The following GPC5 variants were observed in gnomAD, a reference collection of about 807,000 sequenced individuals.
GPC5 encodes the protein glypican-5.
GPC5 carries 47 observed loss-of-function variants against 53.9 expected under a neutral mutation model. The observed-to-expected ratio is 0.87, with a 90% CI of 0.69 to 1.11. The LOEUF is 1.11. GPC5 is among the 50% of genes most tolerant of loss of function. The probability of loss-of-function intolerance (pLI) is 0.00; values close to 1 mark genes in which losing one functional copy is unlikely to be tolerated. For synonymous variants in GPC5, 286 were observed against 263.3 expected (o/e 1.09, Z -0.84); for missense variants, 748 against 713.1 (o/e 1.05, Z -0.56).
intron 7 of GPC5, among the ~76,000 whole-genome samples, chr13:92,282,492 A>C (rs1376166908): frequency 6.6e-6 from 1 of 152,206 alleles, no homozygotes; most frequent in Non-Finnish European, 1.5e-5. Context: ...AAGGGCAGCA[A>C]GAGAGAAAGG....
At chr13:92,190,511 T>C in intron 7 of GPC5, among the ~76,000 whole-genome samples, 1 of 152,196 alleles carries the variant, frequency 6.6e-6, no homozygotes. Context: ...CATATACTTA[T>C]GCATTATATA....
At chr13:91,640,807 A>C (rs2139485037) in intron 2 of GPC5, among the ~76,000 whole-genome samples, 1 of 152,096 alleles carries the variant, frequency 6.6e-6, no homozygotes, top group African/African-American at 2.4e-5. Context: ...GGAAAAAAAA[A>C]AAAAAGATAC....
intron 7 of GPC5, among the ~76,000 whole-genome samples, chr13:92,706,523 C>G (rs746203835): frequency 1.3e-5 from 2 of 152,032 alleles, no homozygotes; most frequent in Non-Finnish European, 2.9e-5. Flanking sequence ...CCAGCTCCCA[C>G]AGTTAGATTC....
intron 2 of GPC5, among the ~76,000 whole-genome samples, chr13:91,668,848 A>T (rs1027779152): frequency 1.4e-4 from 22 of 152,222 alleles, no homozygotes; most frequent in African/African-American, 5.3e-4. Context: ...ATTGTTCTAT[A>T]TCTTTGTAAA....
chr13:92,197,469 C>T (rs1423454511), intron 7 of GPC5, among the ~76,000 whole-genome samples: 1 of 152,008 alleles, frequency 6.6e-6, no homozygotes, highest in African/African-American at 2.4e-5. Flanking sequence ...TTGCTCAAAT[C>T]ACTTGAAGGG....
chr13:92,071,328 C>G (rs1232324625), intron 6 of GPC5, among the ~76,000 whole-genome samples: 1 of 152,100 alleles, frequency 6.6e-6, no homozygotes, highest in Non-Finnish European at 1.5e-5. Flanking sequence ...GTTAGCTGGA[C>G]AATCATATAG....
intron 7 of GPC5, among the ~76,000 whole-genome samples, chr13:92,257,109 A>G (rs2042731526): frequency 1.3e-5 from 2 of 152,148 alleles, no homozygotes; most frequent in Admixed American, 6.6e-5. Context: ...CTCAAATATA[A>G]AAAAATTTCT....
intron 7 of GPC5, among the ~76,000 whole-genome samples, chr13:92,291,165 G>A (rs918262370): frequency 6.6e-5 from 10 of 152,098 alleles, no homozygotes; most frequent in South Asian, 4.1e-4. Context: ...GAGCCTCCCC[G>A]AGGAGCGCCA....
chr13:91,709,394 T>C (rs1237056473), intron 3 of GPC5, among the ~76,000 whole-genome samples: 1 of 152,228 alleles, frequency 6.6e-6, no homozygotes, highest in Admixed American at 6.5e-5. Context: ...CTGGCACCAC[T>C]CGTAATACTC....
At chr13:91,880,612 T>G (rs1191444396) in intron 5 of GPC5, among the ~76,000 whole-genome samples, 5 of 152,202 alleles carry the variant, frequency 3.3e-5, no homozygotes, top group Non-Finnish European at 5.9e-5. Context: ...AGACATTTTT[T>G]GGGAACGCCA....
chr13:92,028,488 A>G (rs569310475), intron 6 of GPC5, among the ~76,000 whole-genome samples: 8 of 152,230 alleles, frequency 5.3e-5, no homozygotes, highest in Middle Eastern at 3.4e-3. Flanking sequence ...CCGTCTCCCA[A>G]ATTAATTTCT....
chr13:92,119,098 G>T (rs1267765223), intron 6 of GPC5, among the ~76,000 whole-genome samples: 2 of 152,178 alleles, frequency 1.3e-5, no homozygotes, highest in African/African-American at 4.8e-5. Flanking sequence ...CTTGGCTGGG[G>T]AGGCCTCACA....
intron 7 of GPC5, among the ~76,000 whole-genome samples, chr13:92,335,134 G>A (rs1424134841): frequency 6.6e-6 from 1 of 152,142 alleles, no homozygotes; most frequent in Non-Finnish European, 1.5e-5. Flanking sequence ...CTCCATGAGA[G>A]TTCCACCCCT....
chr13:91,580,647 C>A (rs1423932373), intron 2 of GPC5, among the ~76,000 whole-genome samples: 1 of 152,216 alleles, frequency 6.6e-6, no homozygotes, highest in Non-Finnish European at 1.5e-5. Flanking sequence ...GAAGCAGTCA[C>A]TGAGAATGTT....
intron 5 of GPC5, among the ~76,000 whole-genome samples, chr13:91,769,915 C>G (rs552735338): frequency 7.9e-5 from 12 of 152,280 alleles, no homozygotes; most frequent in Admixed American, 3.3e-4. Flanking sequence ...AATTACCACA[C>G]TAACCTGAGT....
At chr13:92,617,332 C>A (rs1455429384) in intron 7 of GPC5, among the ~76,000 whole-genome samples, 1 of 152,184 alleles carries the variant, frequency 6.6e-6, no homozygotes, top group Non-Finnish European at 1.5e-5. Context: ...AACAATCCAG[C>A]ATTCAGTTCC....
chr13:92,663,448 T>C (rs982788843), intron 7 of GPC5, among the ~76,000 whole-genome samples: 8 of 151,232 alleles, frequency 5.3e-5, no homozygotes, highest in African/African-American at 1.9e-4. Context: ...CTGTCAAAGA[T>C]GGCAAACAGG....
chr13:92,636,855 C>T (rs1480083098), intron 7 of GPC5, among the ~76,000 whole-genome samples: 2 of 152,236 alleles, frequency 1.3e-5, no homozygotes, highest in East Asian at 3.9e-4. Context: ...ACGTGGAAAA[C>T]TGAACTCATT....
intron 2 of GPC5, among the ~76,000 whole-genome samples, chr13:91,604,025 A>G (rs994294272): frequency 6.7e-6 from 1 of 149,648 alleles, no homozygotes; most frequent in African/African-American, 2.5e-5. Flanking sequence ...ATATGTATAC[A>G]TGTGCCATGC....
Sources: allele counts gnomAD v4.1 joint callset (sites outside exome capture counted in the v4.1 genomes callset), GRCh38; gene constraint gnomAD v4.1.1; transcripts MANE v1.5; gene names NCBI Gene and HGNC (gene_info 2026-07-23, HGNC 2026-07-21).